The following LIN7A variants were observed in gnomAD, a reference collection of about 807,000 sequenced individuals.
LIN7A encodes lin-7 cell polarity scaffold A.
LIN7A carries 25 observed loss-of-function variants against 29.8 expected under a neutral mutation model. The observed-to-expected ratio is 0.84, with a 90% CI of 0.61 to 1.17. The LOEUF is 1.17. Among genes scored for constraint, LIN7A ranks in the 50% most tolerant of loss-of-function variants. The probability of loss-of-function intolerance (pLI) is 0.00; values close to 1 mark genes in which losing one functional copy is unlikely to be tolerated. For missense variants in LIN7A, 239 were observed against 287.0 expected, an observed-to-expected ratio of 0.83 and a Z score of 1.21; for synonymous variants, 118 against 107.5, an observed-to-expected ratio of 1.10 and a Z score of -0.60.
chr12:80,842,087 T>A, intron 4 of LIN7A: 1 of 1,287,432 alleles, frequency 7.8e-7, no homozygotes, highest in South Asian at 1.2e-5. Context: ...CAATGATTGC[T>A]GAGCTGACAT....
At chr12:80,867,749 T>C (rs1249969947) in intron 2 of LIN7A, among the ~76,000 whole-genome samples, 1 of 152,216 alleles carries the variant, frequency 6.6e-6, no homozygotes, top group Non-Finnish European at 1.5e-5. Flanking sequence ...CATCTTATAG[T>C]AAATTTCAAT....
intron 1 of LIN7A, among the ~76,000 whole-genome samples, chr12:80,927,281 C>A (rs1418206139): frequency 6.6e-6 from 1 of 150,784 alleles, no homozygotes; most frequent in Non-Finnish European, 1.5e-5. Context: ...CCTGCCTCAG[C>A]CTCCCGAGTA....
chr12:80,841,302 AAAAAGAAAAG>A (rs779487739), intron 4 of LIN7A, among the ~76,000 whole-genome samples: 105 of 151,684 alleles, frequency 6.9e-4, no homozygotes, highest in Admixed American at 2.4e-3. Context: ...GAAAGAAAGA[AAAAAGAAAAG>A]AAAAGAAAAG....
intron 1 of LIN7A, among the ~76,000 whole-genome samples, chr12:80,931,710 T>C (rs1013477418): frequency 2.6e-5 from 4 of 152,038 alleles, no homozygotes; most frequent in African/African-American, 7.2e-5. Context: ...GAAACACTCA[T>C]TGATTTACAA....
At chr12:80,845,020 C>G (rs1246055358) in intron 4 of LIN7A, among the ~76,000 whole-genome samples, 2 of 151,936 alleles carry the variant, frequency 1.3e-5, no homozygotes, top group Non-Finnish European at 2.9e-5. Flanking sequence ...AGGCGGATCA[C>G]GAGATCAGGA....
At chr12:80,826,545 T>C (rs1298809760) in intron 4 of LIN7A, among the ~76,000 whole-genome samples, 3 of 152,194 alleles carry the variant, frequency 2.0e-5, no homozygotes, top group African/African-American at 7.2e-5. Context: ...TTTTTTTAGA[T>C]GGAGTCTTTC....
At chr12:80,891,766 G>A (rs1413581784) in intron 1 of LIN7A, among the ~76,000 whole-genome samples, 2 of 152,312 alleles carry the variant, frequency 1.3e-5, no homozygotes, top group South Asian at 2.1e-4. Context: ...CTGCTAAGCA[G>A]AGTCCTAGGT....
intron 1 of LIN7A, among the ~76,000 whole-genome samples, chr12:80,891,725 G>T (rs1875636793): frequency 6.6e-6 from 1 of 152,158 alleles, no homozygotes; most frequent in Non-Finnish European, 1.5e-5. Flanking sequence ...CATCATCAAA[G>T]AAGTCAGGGA....
chr12:80,931,014 C>T (rs1877868969), intron 1 of LIN7A, among the ~76,000 whole-genome samples: 1 of 152,166 alleles, frequency 6.6e-6, no homozygotes, highest in South Asian at 2.1e-4. Flanking sequence ...TATATCCTAA[C>T]AGGCAAATGT....
At chr12:80,824,321 A>G (rs540000732) in intron 4 of LIN7A, among the ~76,000 whole-genome samples, 1 of 152,148 alleles carries the variant, frequency 6.6e-6, no homozygotes, top group Non-Finnish European at 1.5e-5. Context: ...CCAGGAAAAT[A>G]TAGAATCTCT....
intron 1 of LIN7A, among the ~76,000 whole-genome samples, chr12:80,897,257 T>G (rs1469129611): frequency 6.6e-6 from 1 of 152,208 alleles, no homozygotes; most frequent in East Asian, 1.9e-4. Flanking sequence ...CTTTCCTTTT[T>G]TCTGTATTTT....
In LIN7A at chr12:80,793,420, G is replaced by C. The variant is rs991594521; in HGVS notation, c.*4307C>G. On this transcript the variant is annotated 3_prime_UTR_variant, in exon 6 of 6. Coordinates refer to ENST00000552864, the MANE Select transcript of LIN7A (RefSeq NM_004664.4). The stretch of plus-strand genomic sequence containing the variant: ...GCAAGCTCACACAAATCTGTGCAGG[G>C]AGTATTTCATGACTTCCATGGGGTG... The C allele has an allele frequency of 1.3e-5, 2 of 152,182 alleles. No homozygotes were observed. The highest frequency in any genetic ancestry group is 4.8e-5 in the African/African-American group (2 of 41,460). The allele number at this position is 152,182 out of a possible 1,614,324, so 9.4% of individuals were successfully genotyped here.
chr12:80,856,044 A>G (rs1486613567), intron 2 of LIN7A, among the ~76,000 whole-genome samples: 1 of 152,162 alleles, frequency 6.6e-6, no homozygotes, highest in East Asian at 1.9e-4. Context: ...GAATTCCTAT[A>G]AACTAAAAAA....
intron 4 of LIN7A, among the ~76,000 whole-genome samples, chr12:80,820,794 G>T (rs1458786031): frequency 6.6e-6 from 1 of 152,102 alleles, no homozygotes; most frequent in Admixed American, 6.6e-5. Context: ...CAGGAAGCAG[G>T]GATAATAGAG....
chr12:80,854,623 T>C (rs1442613145), intron 2 of LIN7A, among the ~76,000 whole-genome samples: 1 of 151,516 alleles, frequency 6.6e-6, no homozygotes, highest in African/African-American at 2.4e-5. Flanking sequence ...TTAGACCAAG[T>C]ATGATGAAAT....
intron 1 of LIN7A, among the ~76,000 whole-genome samples, chr12:80,913,689 G>C (rs1173965738): frequency 6.6e-6 from 1 of 152,088 alleles, no homozygotes; most frequent in Non-Finnish European, 1.5e-5. Context: ...TGTTTATTAG[G>C]TTTTCTTTTT....
intron 5 of LIN7A, among the ~76,000 whole-genome samples, chr12:80,807,362 A>T (rs1871095780): frequency 6.6e-6 from 1 of 151,974 alleles, no homozygotes; most frequent in African/African-American, 2.4e-5. Context: ...GAGCCACCGC[A>T]CCTGGCCCGA....
intron 4 of LIN7A, among the ~76,000 whole-genome samples, chr12:80,824,646 T>C (rs1453200102): frequency 2.0e-5 from 3 of 152,150 alleles, no homozygotes; most frequent in African/African-American, 7.2e-5. Context: ...TCCAACAACA[T>C]ATCAAAAAGA....
At chr12:80,912,713 C>CAAAAAAAAAAAAAAAAAAA (rs5799498) in intron 1 of LIN7A, among the ~76,000 whole-genome samples, 1 of 135,350 alleles carries the variant, frequency 7.4e-6, no homozygotes, top group South Asian at 2.3e-4. Context: ...AGACTTGTCT[C>CAAAAAAAAAAAAAAAAAAA]AAAAAAAAAA....
Sources: gnomAD v4.1 joint callset for allele counts (sites outside exome capture counted in the v4.1 genomes callset) on GRCh38, gnomAD v4.1.1 for gene constraint, MANE v1.5 for transcripts, NCBI Gene and HGNC (gene_info 2026-07-23, HGNC 2026-07-21) for gene names.